The following ADAM12 variants were observed in gnomAD, a reference collection of about 807,000 sequenced individuals.
ADAM12 encodes the protein ADAM metallopeptidase domain 12, also known as disintegrin and metalloproteinase domain-containing protein 12.
A neutral mutation model predicts 106.4 loss-of-function variants in ADAM12; 70 were observed. That is an observed-to-expected ratio of 0.66 (90% confidence interval 0.54 to 0.80). ADAM12 has a LOEUF of 0.80. Ranked by LOEUF, ADAM12 falls within the 30% of genes least tolerant of loss-of-function variation. ADAM12 has a pLI of 0.00. For synonymous variants in ADAM12, 420 were observed against 433.5 expected (o/e 0.97, Z 0.39); for missense variants, 1,010 against 1,171.9 (o/e 0.86, Z 2.02).
intron 18 of ADAM12, among the ~76,000 whole-genome samples, chr10:126,039,761 T>C (rs1408013535): frequency 1.1e-4 from 16 of 152,202 alleles, no homozygotes; most frequent in Non-Finnish European, 1.8e-4. Flanking sequence ...CAGGGAGCCA[T>C]CACTGAAGCC....
intron 3 of ADAM12, among the ~76,000 whole-genome samples, chr10:126,204,768 C>T (rs1374881801): frequency 6.6e-6 from 1 of 152,186 alleles, no homozygotes; most frequent in Non-Finnish European, 1.5e-5. Flanking sequence ...TATTTACGGG[C>T]TTATCTTACC....
At chr10:126,358,587 C>T (rs1190625581) in intron 1 of ADAM12, among the ~76,000 whole-genome samples, 1 of 152,114 alleles carries the variant, frequency 6.6e-6, no homozygotes, top group Non-Finnish European at 1.5e-5. Context: ...CGGAACAAGA[C>T]AAGAATGCCT....
chr10:126,351,611 C>A (rs4523608), intron 1 of ADAM12, among the ~76,000 whole-genome samples: 50,271 of 151,994 alleles, frequency 0.33, 8,761 homozygotes, highest in African/African-American at 0.43. Flanking sequence ...CCACATGCTA[C>A]ATCAACATGC....
At chr10:126,172,083 T>TA (rs1180273929) in intron 3 of ADAM12, among the ~76,000 whole-genome samples, 2 of 152,210 alleles carry the variant, frequency 1.3e-5, no homozygotes, top group African/African-American at 4.8e-5. Flanking sequence ...AGTTTCATTT[T>TA]AAAAAATACT....
chr10:126,132,888 CT>C (rs1411801328), intron 5 of ADAM12, among the ~76,000 whole-genome samples: 5 of 152,036 alleles, frequency 3.3e-5, no homozygotes, highest in African/African-American at 1.2e-4. Context: ...ATTTCACCCC[CT>C]CATCTCTGTC....
chr10:126,362,529 T>C lies in ADAM12; in HGVS notation c.88+25529A>G, dbSNP rs898966905. Among the ~76,000 whole-genome samples, 23 of 152,112 alleles carry C rather than the reference T, an allele frequency of 1.5e-4. 1 individual carries two copies. The highest frequency in any genetic ancestry group is 5.6e-4 in the African/African-American group (23 of 41,426). On this transcript the variant is annotated intron_variant, in intron 1 of 22. Coordinates refer to ENST00000448723, the MANE Select transcript of ADAM12 (RefSeq NM_001288973.2). ...TGCATTGCAGCAATATTCACGATAG[T>C]CAAGTTATAGAATTAACCCAAGCAT...
chr10:126,116,944 C>T (rs1353659847), intron 6 of ADAM12, among the ~76,000 whole-genome samples: 3 of 152,082 alleles, frequency 2.0e-5, no homozygotes, highest in Non-Finnish European at 4.4e-5. Context: ...GAGTGCTAAG[C>T]AGTGGTCTAC....
At chr10:126,103,385 C>G (rs971891405) in intron 8 of ADAM12, among the ~76,000 whole-genome samples, 1 of 152,228 alleles carries the variant, frequency 6.6e-6, no homozygotes, top group African/African-American at 2.4e-5. Context: ...TTCCTAATAA[C>G]CACCACCACA....
At chr10:126,335,455 C>G (rs1854666909) in intron 1 of ADAM12, among the ~76,000 whole-genome samples, 1 of 152,160 alleles carries the variant, frequency 6.6e-6, no homozygotes, top group African/African-American at 2.4e-5. Context: ...GCTTCGGAAA[C>G]TGATGAAGCA....
chr10:126,117,739 A>G (rs867056276), intron 6 of ADAM12, among the ~76,000 whole-genome samples: 2 of 98,192 alleles, frequency 2.0e-5, no homozygotes, highest in Non-Finnish European at 3.7e-5. Context: ...ATGAATCTTG[A>G]GCTTGTGGGG....
chr10:126,042,473 GGTATGTGAGAAAA>G (rs1954201177), intron 18 of ADAM12, among the ~76,000 whole-genome samples: 1 of 152,112 alleles, frequency 6.6e-6, no homozygotes, highest in Admixed American at 6.5e-5. Context: ...TCAGGTCCTA[GGTATGTGAGAAAA>G]GAATCATACC....
rs1157891109 is a variant in ADAM12 at position 126,016,399 on chromosome 10, A to AG, written c.*879dup. ...TTGCTCAGCTCCAAGCAGTATAGGG[A>AG]GGTGGCGGTTTGCAGTGCCTGGGCA... On this transcript the variant is annotated 3_prime_UTR_variant, in exon 23 of 23. Transcript: ENST00000448723. 6.6e-6 allele frequency: 1 copy of AG among 152,106 alleles called. No homozygotes were observed. The highest frequency in any genetic ancestry group is 2.1e-4 in the South Asian group (1 of 4,818). 9.4% of individuals were successfully genotyped at this position (152,106 alleles called of 1,614,324 possible).
At chr10:126,237,574 C>T (rs536276507) in intron 3 of ADAM12, among the ~76,000 whole-genome samples, 1 of 152,258 alleles carries the variant, frequency 6.6e-6, no homozygotes, top group Admixed American at 6.5e-5. Flanking sequence ...ATATTTTTGT[C>T]CTCCTCCTTC....
intron 6 of ADAM12, among the ~76,000 whole-genome samples, chr10:126,113,687 A>AAAAATATATATATAT (rs1955920039): frequency 4.1e-5 from 1 of 24,136 alleles, no homozygotes; most frequent in Non-Finnish European, 6.5e-5. Context: ...AAAAAAAAAA[A>AAAAATATATATATAT]ATATATATAT....
At chr10:126,370,853 C>T (rs1010957008) in intron 1 of ADAM12, among the ~76,000 whole-genome samples, 3 of 152,164 alleles carry the variant, frequency 2.0e-5, no homozygotes, top group African/African-American at 7.2e-5. Flanking sequence ...TAAGGCAAAT[C>T]ATGAGTTCTC....
At chr10:126,200,005 C>T (rs1261131219) in intron 3 of ADAM12, among the ~76,000 whole-genome samples, 1 of 152,190 alleles carries the variant, frequency 6.6e-6, no homozygotes, top group African/African-American at 2.4e-5. Flanking sequence ...TATAGTCCAT[C>T]AACAGAAGGA....
intron 6 of ADAM12, among the ~76,000 whole-genome samples, chr10:126,117,609 T>G (rs1343584121): frequency 4.6e-5 from 7 of 151,984 alleles, no homozygotes. Flanking sequence ...CTATGTAGTC[T>G]TTCACCTCCA....
chr10:126,226,047 A>G (rs1372262988), intron 3 of ADAM12, among the ~76,000 whole-genome samples: 1 of 143,556 alleles, frequency 7.0e-6, no homozygotes, highest in African/African-American at 3.0e-5. Flanking sequence ...TTATGGGGGA[A>G]CAGCTGCAGA....
chr10:126,288,025 G>A (rs1294242797), intron 2 of ADAM12, among the ~76,000 whole-genome samples: 1 of 151,752 alleles, frequency 6.6e-6, no homozygotes, highest in Non-Finnish European at 1.5e-5. Flanking sequence ...CTGGGGGGCG[G>A]AGAGGAGACC....
Sources: allele counts gnomAD v4.1 joint callset (sites outside exome capture counted in the v4.1 genomes callset), GRCh38; gene constraint gnomAD v4.1.1; transcripts MANE v1.5; gene names NCBI Gene and HGNC (gene_info 2026-07-23, HGNC 2026-07-21).